The following LARGE1 variants were observed in gnomAD, a reference collection of about 807,000 sequenced individuals.
The protein encoded by LARGE1 is LARGE xylosyl- and glucuronyltransferase 1.
Under a neutral mutation model 87.6 loss-of-function variants are expected in LARGE1, and 43 were observed. The ratio of observed to expected loss-of-function variants is 0.49; its 90% CI spans 0.38 to 0.63. The LOEUF (loss-of-function observed/expected upper bound fraction) is 0.63, where lower values mean the gene tolerates loss of function less well. Ranked by LOEUF, LARGE1 falls within the 30% of genes least tolerant of loss-of-function variation. The pLI is 0.00. For synonymous variants in LARGE1, 434 were observed against 394.6 expected (o/e 1.10, Z -1.18); for missense variants, 802 against 1,000.2 (o/e 0.80, Z 2.67).
At chr22:33,884,613 G>A (rs953367623) in intron 1 of LARGE1, among the ~76,000 whole-genome samples, 6 of 152,242 alleles carry the variant, frequency 3.9e-5, no homozygotes, top group African/African-American at 9.6e-5. Flanking sequence ...CCACCATCCC[G>A]CGGAGCTGCC....
chr22:33,831,656 A>C (rs772322509), intron 1 of LARGE1, among the ~76,000 whole-genome samples: 3 of 152,154 alleles, frequency 2.0e-5, no homozygotes, highest in Non-Finnish European at 2.9e-5. Context: ...ACTGGACAAG[A>C]ACTTGCAGTT....
chr22:33,707,405 G>C (rs1418775864), intron 2 of LARGE1, among the ~76,000 whole-genome samples: 1 of 152,234 alleles, frequency 6.6e-6, no homozygotes, highest in Admixed American at 6.5e-5. Flanking sequence ...CTCTTTGACT[G>C]TAACTTAGAA....
intron 2 of LARGE1, among the ~76,000 whole-genome samples, chr22:33,682,926 C>A (rs2081826574): frequency 6.6e-6 from 1 of 152,190 alleles, no homozygotes; most frequent in Non-Finnish European, 1.5e-5. Context: ...CTGGCTCCAA[C>A]CCACTTCAGG....
intron 6 of LARGE1, among the ~76,000 whole-genome samples, chr22:33,508,424 T>C (rs889927354): frequency 5.3e-5 from 8 of 152,210 alleles, no homozygotes; most frequent in African/African-American, 1.9e-4. Context: ...ATTACACCCT[T>C]ACCATTTTCT....
chr22:33,181,849 T>TACATGG, intron 11 of LARGE1, among the ~76,000 whole-genome samples: 1 of 127,808 alleles, frequency 7.8e-6, no homozygotes, highest in African/African-American at 2.8e-5. Flanking sequence ...TTTTTTTTTT[T>TACATGG]ACATGGAGTC....
intron 1 of LARGE1, among the ~76,000 whole-genome samples, chr22:33,882,523 C>G (rs2064727214): frequency 1.3e-5 from 2 of 152,188 alleles, no homozygotes; most frequent in African/African-American, 4.8e-5. Context: ...AGCAGGGGGG[C>G]ATTGTTAAAG....
intron 1 of LARGE1, among the ~76,000 whole-genome samples, chr22:33,831,777 CACACACAT>C (rs943403442): frequency 3.3e-5 from 5 of 151,764 alleles, no homozygotes; most frequent in African/African-American, 7.3e-5. Context: ...CACACACACA[CACACACAT>C]ACACATACAC....
intron 1 of LARGE1, among the ~76,000 whole-genome samples, chr22:33,794,529 C>G (rs537799097): frequency 6.6e-6 from 1 of 152,366 alleles, no homozygotes; most frequent in South Asian, 2.1e-4. Flanking sequence ...CCTTTTACTG[C>G]TGTGTGGCCT....
At chr22:33,709,646 GA>G (rs1263121666) in intron 2 of LARGE1, among the ~76,000 whole-genome samples, 1 of 136,584 alleles carries the variant, frequency 7.3e-6, no homozygotes, top group Non-Finnish European at 1.5e-5. Context: ...TTTTTTTTGA[GA>G]CGGAGTCTTG....
the LARGE1 span, among the ~76,000 whole-genome samples, chr22:33,147,505 A>C: frequency 6.6e-6 from 1 of 152,204 alleles, no homozygotes; most frequent in Non-Finnish European, 1.5e-5. Flanking sequence ...ATAATGTTAA[A>C]ATGTTTTAAA....
chr22:33,414,736 G>C (rs923356856), intron 7 of LARGE1, among the ~76,000 whole-genome samples: 1 of 152,184 alleles, frequency 6.6e-6, no homozygotes, highest in Non-Finnish European at 1.5e-5. Flanking sequence ...ATGGTATTGG[G>C]GAGTTGGAGT....
At chr22:33,869,132 T>A (rs2064198132) in intron 1 of LARGE1, among the ~76,000 whole-genome samples, 1 of 152,180 alleles carries the variant, frequency 6.6e-6, no homozygotes, top group African/African-American at 2.4e-5. Context: ...TTCTGATCAA[T>A]GCTCATCATT....
intron 4 of LARGE1, among the ~76,000 whole-genome samples, chr22:33,615,967 G>A (rs1359008702): frequency 6.6e-6 from 1 of 151,902 alleles, no homozygotes; most frequent in Non-Finnish European, 1.5e-5. Context: ...ACCACAATAA[G>A]CCACTTACCC....
the LARGE1 span, among the ~76,000 whole-genome samples, chr22:33,108,335 G>T: frequency 6.6e-6 from 1 of 152,184 alleles, no homozygotes; most frequent in Non-Finnish European, 1.5e-5. Flanking sequence ...GAGGGAGACA[G>T]ACACGTGCAA....
chr22:33,918,026 A>T lies in LARGE1; in HGVS notation c.-83+1969T>A, dbSNP rs545275510. 3.7e-4 allele frequency among the ~76,000 whole-genome samples: 56 copies of T among 152,308 alleles called. 1 individual carries two copies. The highest frequency in any genetic ancestry group is 1.3e-3 in the African/African-American group (52 of 41,574). Reference sequence around the variant, plus strand: ...GGTGGCTGAAGGATGGCGACACTACAGGACGCACCCTCCCTGCACTGTGCA... The same window carrying T: ...GGTGGCTGAAGGATGGCGACACTACTGGACGCACCCTCCCTGCACTGTGCA... On this transcript the variant is annotated intron_variant, in intron 1 of 14. Coordinates refer to ENST00000397394, the MANE Select transcript of LARGE1 (RefSeq NM_133642.5).
chr22:33,337,671 C>T lies in LARGE1; in HGVS notation c.1262G>A (p.Ser421Asn), dbSNP rs780859436. 6.2e-7 allele frequency: 1 copy of T among 1,614,022 alleles called. No individual in the cohort carries two copies. Among genetic ancestry groups the T allele is most frequent in the African/African-American group, 1.3e-5 (1 of 74,910 alleles). Residue 421 changes from serine to asparagine, a missense_variant, in exon 10 of 15, where the codon AGT (serine) becomes AAT (asparagine). Physicochemically the swap from Ser to Asn is conservative, Grantham distance 46. Transcript: ENST00000397394. ...GTTTTCACTGTTGACATCAGCCTCA[C>T]TGGGGCAGCCAAACAGTTCCCGCCT... ...LLRRELFGCP[S>N]EADVNSENLQ...
chr22:33,161,852 T>A (rs1235791362), downstream of LARGE1, among the ~76,000 whole-genome samples: 1 of 152,152 alleles, frequency 6.6e-6, no homozygotes. Flanking sequence ...AGGATGAGGA[T>A]CTCTAGGGGA....
At chr22:33,534,026 A>C (rs570672851) in intron 6 of LARGE1, among the ~76,000 whole-genome samples, 1 of 151,274 alleles carries the variant, frequency 6.6e-6, no homozygotes, top group Non-Finnish European at 1.5e-5. Flanking sequence ...CTGACTCTTC[A>C]TAATGCGGAT....
exon 12 of LARGE1, chr22:33,166,416 G>A (rs756518332): frequency 3.6e-5 from 8 of 222,612 alleles, no homozygotes; most frequent in Non-Finnish European, 7.2e-5. Context: ...CACCTGGCAC[G>A]TACCACCTTA....
Sources: allele counts gnomAD v4.1 joint callset (sites outside exome capture counted in the v4.1 genomes callset), GRCh38; gene constraint gnomAD v4.1.1; transcripts MANE v1.5; gene names NCBI Gene and HGNC (gene_info 2026-07-23, HGNC 2026-07-21).